CA10: variants seen among roughly 807,000 people sequenced by gnomAD.
CA10 encodes the protein carbonic anhydrase 10 (inactive), also known as carbonic anhydrase-related protein 10.
In CA10, 14 loss-of-function variants were observed where a neutral mutation model predicts 44.2. That is an observed-to-expected ratio of 0.32 (90% CI 0.21 to 0.50). CA10 has a LOEUF of 0.50. Ranked by LOEUF, CA10 falls within the 20% of genes least tolerant of loss-of-function variation. The pLI, the probability that CA10 is intolerant of heterozygous loss-of-function variation, is 0.99. For missense variants in CA10, 350 were observed against 409.7 expected (o/e 0.85, Z 1.26); for synonymous variants, 159 against 141.6 (o/e 1.12, Z -0.87).
At chr17:52,157,529 A>ACCC (rs368350526) in intron 1 of CA10, among the ~76,000 whole-genome samples, 197 bp downstream of exon 1, 1,684 of 109,762 alleles carry the variant, frequency 0.015, 42 homozygotes, top group African/African-American at 0.038. Flanking sequence ...GATCCTAACC[A>ACCC]CCCCCCCCCG....
chr17:52,128,468 C>G (rs1293218416), intron 1 of CA10, among the ~76,000 whole-genome samples: 3 of 152,222 alleles, frequency 2.0e-5, no homozygotes, highest in Admixed American at 6.5e-5. Flanking sequence ...CTGACAATGG[C>G]CTTCATGGGT....
intron 2 of CA10, among the ~76,000 whole-genome samples, chr17:51,969,479 AAT>A (rs1216287756): frequency 6.6e-6 from 1 of 151,992 alleles, no homozygotes; most frequent in African/African-American, 2.4e-5. Flanking sequence ...ATTTTCCCTT[AAT>A]AGTTTTTCAA....
intron 3 of CA10, among the ~76,000 whole-genome samples, chr17:51,875,080 C>G (rs987755124): frequency 6.6e-6 from 1 of 151,528 alleles, no homozygotes; most frequent in Non-Finnish European, 1.5e-5. Flanking sequence ...CTCAAGCCAT[C>G]CTCCCACCTC....
At chr17:51,698,011 C>G (rs2143449028) in intron 4 of CA10, among the ~76,000 whole-genome samples, 1 of 152,298 alleles carries the variant, frequency 6.6e-6, no homozygotes, top group Non-Finnish European at 1.5e-5. Context: ...TGTTCTTTAG[C>G]TCTGGACTTG....
At chr17:51,850,599 C>G (rs551607505) in intron 3 of CA10, among the ~76,000 whole-genome samples, 1 of 152,338 alleles carries the variant, frequency 6.6e-6, no homozygotes, top group East Asian at 1.9e-4. Flanking sequence ...GTCTCCATTT[C>G]ACGGATGGGA....
At chr17:51,877,074 C>T (rs1407062068) in intron 3 of CA10, among the ~76,000 whole-genome samples, 1 of 152,174 alleles carries the variant, frequency 6.6e-6, no homozygotes, top group East Asian at 1.9e-4. Flanking sequence ...TATGAATTGG[C>T]TTGGCTAGAG....
chr17:51,979,062 C>T lies in CA10; in HGVS notation c.137-47930G>A, dbSNP rs139222867. ...TTGGCTTTTGGGTGACTTTGCATGG[C>T]CCTCTGAGCATGTGGTGTCTCCTTC... On this transcript the variant is annotated intron_variant, in intron 2 of 8. Coordinates refer to ENST00000451037, the MANE Select transcript of CA10 (RefSeq NM_020178.5). Among the ~76,000 whole-genome samples the T allele has an allele frequency of 2.1e-4, 32 of 152,136 alleles. No individual in the cohort carries two copies. In the East Asian group the frequency reaches 6.0e-3, roughly 29 times the overall value.
intron 4 of CA10, among the ~76,000 whole-genome samples, chr17:51,705,933 A>G (rs369219480): frequency 7.9e-5 from 12 of 152,204 alleles, no homozygotes; most frequent in African/African-American, 2.4e-4. Context: ...TAAGTAGTTG[A>G]AAAAGCCCTA....
intron 3 of CA10, among the ~76,000 whole-genome samples, chr17:51,812,051 CT>C (rs1482331047): frequency 6.6e-6 from 1 of 152,164 alleles, no homozygotes; most frequent in Non-Finnish European, 1.5e-5. Flanking sequence ...TACACTCAAC[CT>C]GTTCAACAGC....
At chr17:51,699,696 C>G (rs1438530733) in intron 4 of CA10, among the ~76,000 whole-genome samples, 1 of 152,130 alleles carries the variant, frequency 6.6e-6, no homozygotes, top group Non-Finnish European at 1.5e-5. Context: ...TTGCATGTCC[C>G]GACAGATGGC....
At chr17:51,932,046 T>C (rs203088) in intron 2 of CA10, among the ~76,000 whole-genome samples, 103,117 of 151,900 alleles carry the variant, frequency 0.68, 35,348 homozygotes, top group Non-Finnish European at 0.71. Context: ...CATTCATTCA[T>C]CCACCCATAG....
chr17:51,892,596 A>C (rs1309728068), intron 3 of CA10, among the ~76,000 whole-genome samples: 1 of 152,180 alleles, frequency 6.6e-6, no homozygotes, highest in Admixed American at 6.5e-5. Flanking sequence ...TATGGCAAAC[A>C]TATGGCCAAT....
chr17:52,130,844 C>A (rs1373986940), intron 1 of CA10, among the ~76,000 whole-genome samples: 1 of 151,980 alleles, frequency 6.6e-6, no homozygotes, highest in Non-Finnish European at 1.5e-5. Context: ...ACAACAGGCA[C>A]ACACCACCAA....
At position 51,884,691 on chromosome 17, in the gene CA10, C is replaced by T. The variant is rs75360239; in HGVS notation, c.279+46299G>A. Among the ~76,000 whole-genome samples the T allele has an allele frequency of 2.3e-3, 345 of 150,614 alleles. 1 individual carries two copies. Among genetic ancestry groups the T allele is most frequent in the African/African-American group, 8.0e-3 (322 of 40,070 alleles). ...TTACAAATTAGCACAAACTGGGAGG[C>T]TTAGCGCAAACTGGGAGGCTTAGCA... On this transcript the variant is annotated intron_variant, in intron 3 of 8. Transcript: ENST00000451037.
intron 6 of CA10, among the ~76,000 whole-genome samples, chr17:51,645,483 T>C (rs533338525): frequency 6.6e-6 from 1 of 152,162 alleles, no homozygotes; most frequent in Non-Finnish European, 1.5e-5. Flanking sequence ...AGGCAGGAGT[T>C]GGAGAGAGCT....
intron 2 of CA10, among the ~76,000 whole-genome samples, chr17:52,024,010 T>G (rs944071973): frequency 9.2e-5 from 14 of 152,136 alleles, no homozygotes; most frequent in Non-Finnish European, 2.9e-5. Context: ...GGTTAGTGTT[T>G]ATCAGTTTTA....
At chr17:51,786,373 G>A (rs1193120759) in intron 3 of CA10, among the ~76,000 whole-genome samples, 2 of 152,112 alleles carry the variant, frequency 1.3e-5, no homozygotes, top group Non-Finnish European at 2.9e-5. Context: ...GCAACACAGT[G>A]AAACACTGTC....
chr17:51,735,230 A>G (rs555404203), intron 4 of CA10, among the ~76,000 whole-genome samples: 5 of 152,342 alleles, frequency 3.3e-5, no homozygotes, highest in Admixed American at 1.3e-4. Context: ...GAACAGAATC[A>G]TGTCTTTTGC....
intron 3 of CA10, among the ~76,000 whole-genome samples, chr17:51,817,795 C>T (rs1460504806): frequency 1.3e-5 from 2 of 152,092 alleles, no homozygotes; most frequent in Admixed American, 6.6e-5. Context: ...GATATGCTCA[C>T]GCCCAGTCTA....
Sources: gnomAD v4.1 joint callset for allele counts (sites outside exome capture counted in the v4.1 genomes callset) on GRCh38, gnomAD v4.1.1 for gene constraint, MANE v1.5 for transcripts, NCBI Gene and HGNC (gene_info 2026-07-23, HGNC 2026-07-21) for gene names.